The following DAGLA variants were observed in gnomAD, a reference collection of about 807,000 sequenced individuals.
The protein encoded by DAGLA is diacylglycerol lipase alpha, also known as diacylglycerol lipase-alpha.
Under a neutral mutation model 102.6 loss-of-function variants are expected in DAGLA, and 22 were observed. That is an observed-to-expected ratio of 0.21 (90% CI 0.15 to 0.31). The LOEUF (loss-of-function observed/expected upper bound fraction) is 0.31, where lower values mean the gene tolerates loss of function less well. DAGLA is among the 10% of genes least tolerant of loss of function. The pLI is 1.00. For synonymous variants in DAGLA, 578 were observed against 628.9 expected (o/e 0.92, Z 1.21); for missense variants, 927 against 1,446.6 (o/e 0.64, Z 5.83).
At chr11:61,718,825 G>A (rs1000064551) in intron 1 of DAGLA, among the ~76,000 whole-genome samples, 14 of 152,328 alleles carry the variant, frequency 9.2e-5, no homozygotes, top group African/African-American at 2.6e-4. Context: ...GGGCCGGGCG[G>A]ACATGCGGGC....
At chr11:61,712,459 T>C (rs1230899694) in intron 1 of DAGLA, among the ~76,000 whole-genome samples, 2 of 152,076 alleles carry the variant, frequency 1.3e-5, no homozygotes, top group Non-Finnish European at 2.9e-5. Context: ...GGGACAAATG[T>C]CAGTGGCCTC....
At chr11:61,731,795 C>T (rs2065377764) in intron 9 of DAGLA, among the ~76,000 whole-genome samples, 1 of 152,178 alleles carries the variant, frequency 6.6e-6, no homozygotes, top group Non-Finnish European at 1.5e-5. Flanking sequence ...ACTGCTGCCT[C>T]CCCTCCCCTT....
Position 61,744,566 on chromosome 11 carries a change from G to A in DAGLA, c.*77G>A. 7.5e-7 allele frequency: 1 copy of A among 1,335,970 alleles called. No homozygotes were observed. The highest frequency in any genetic ancestry group is 1.5e-5 in the African/African-American group (1 of 68,268). The allele number at this position is 1,335,970 out of a possible 1,614,324, so 82.8% of individuals were successfully genotyped here. A position where few individuals can be genotyped will look rare whatever the true frequency, so the allele number is the denominator to read the frequency against. On this transcript the variant is annotated 3_prime_UTR_variant, in exon 20 of 20. Coordinates refer to ENST00000257215, the MANE Select transcript of DAGLA (RefSeq NM_006133.3). Reference sequence around the variant, plus strand: ...GGCACCTGGTGCCTGCCCCCTGCCGGGCAGCTTTAAGGACAGACCCCCAGG... The same window carrying A: ...GGCACCTGGTGCCTGCCCCCTGCCGAGCAGCTTTAAGGACAGACCCCCAGG...
At chr11:61,702,142 C>G (rs556455889) in intron 1 of DAGLA, among the ~76,000 whole-genome samples, 1 of 152,234 alleles carries the variant, frequency 6.6e-6, no homozygotes, top group Non-Finnish European at 1.5e-5. Flanking sequence ...CCTCAGTGAT[C>G]CTCCAGCCTC....
chr11:61,720,005 C>T (rs1276185527), intron 1 of DAGLA, 107 bp from the exon 2 acceptor site: 87 of 716,360 alleles, frequency 1.2e-4, no homozygotes, highest in Non-Finnish European at 1.8e-4. Context: ...CCAAAAATGC[C>T]TGTGCTTCTG....
chr11:61,717,467 C>T (rs368341381), intron 1 of DAGLA, among the ~76,000 whole-genome samples: 20 of 152,136 alleles, frequency 1.3e-4, no homozygotes, highest in East Asian at 5.8e-4. Context: ...GCACTCCCTC[C>T]GCCTCGCCCG....
intron 1 of DAGLA, among the ~76,000 whole-genome samples, chr11:61,708,299 C>T (rs1228305802): frequency 3.3e-5 from 5 of 152,106 alleles, no homozygotes; most frequent in African/African-American, 4.8e-5. Context: ...TGAGCCACCG[C>T]GCCCGACTTG....
At chr11:61,727,613 G>A (rs1244102949) in intron 6 of DAGLA, among the ~76,000 whole-genome samples, 1 of 152,222 alleles carries the variant, frequency 6.6e-6, no homozygotes, top group African/African-American at 2.4e-5. Flanking sequence ...GGGCCAGAGA[G>A]TACACCCCCT....
At chr11:61,689,974 G>A (rs1350106530) in intron 1 of DAGLA, among the ~76,000 whole-genome samples, 1 of 152,162 alleles carries the variant, frequency 6.6e-6, no homozygotes, top group Admixed American at 6.5e-5. Context: ...TGGCCTCACA[G>A]AATTCCATGC....
At chr11:61,737,467 G>T in intron 14 of DAGLA, 143 bp downstream of exon 14, 1 of 1,280,952 alleles carries the variant, frequency 7.8e-7, no homozygotes, top group Non-Finnish European at 1.1e-6. Context: ...GGAGGGTGGG[G>T]GCTCTGAAAT....
intron 7 of DAGLA, among the ~76,000 whole-genome samples, chr11:61,728,684 C>T (rs1422702817): frequency 1.3e-5 from 2 of 152,146 alleles, no homozygotes; most frequent in African/African-American, 4.8e-5. Flanking sequence ...AAATACCTTT[C>T]GCCTGCTGTG....
intron 1 of DAGLA, among the ~76,000 whole-genome samples, chr11:61,694,583 C>T (rs1254553349): frequency 6.6e-6 from 1 of 152,238 alleles, no homozygotes; most frequent in South Asian, 2.1e-4. Context: ...TGCCTTTCAT[C>T]CTTTCCTGGC....
intron 9 of DAGLA, among the ~76,000 whole-genome samples, chr11:61,733,442 T>C (rs1436883869): frequency 6.6e-6 from 1 of 152,210 alleles, no homozygotes; most frequent in African/African-American, 2.4e-5. Flanking sequence ...CATTGGAAAG[T>C]GTGTAATAGT....
chr11:61,713,993 C>G (rs747931594), intron 1 of DAGLA, among the ~76,000 whole-genome samples: 36 of 152,192 alleles, frequency 2.4e-4, no homozygotes, highest in Non-Finnish European at 4.1e-4. Context: ...CTGGGCTCTC[C>G]CTTCAGGACA....
Position 61,720,332 on chromosome 11 carries a change from C to G in DAGLA, c.95+82C>G, listed in dbSNP as rs912491261. 4 of 1,406,622 alleles carry G rather than the reference C, an allele frequency of 2.8e-6. No individual in the cohort carries two copies. In the African/African-American group the frequency reaches 5.6e-5, roughly 20 times the overall value. The allele number at this position is 1,406,622 out of a possible 1,614,324, so 87.1% of individuals were successfully genotyped here. ...ACGCTTTCTGGCCATTTGTTCCTCC[C>G]TGCTTGGGCCCAAGTCCCAACCCTG... On this transcript the variant is annotated intron_variant, in intron 2 of 19. Transcript: ENST00000257215.
intron 1 of DAGLA, among the ~76,000 whole-genome samples, chr11:61,697,560 C>T (rs149308262): frequency 0.01 from 1,570 of 152,250 alleles, 17 homozygotes; most frequent in Middle Eastern, 0.034. Flanking sequence ...CTGCTGACCT[C>T]GATGTGGCCT....
chr11:61,682,358 G>C (rs1353708208), intron 1 of DAGLA, among the ~76,000 whole-genome samples: 2 of 152,172 alleles, frequency 1.3e-5, no homozygotes, highest in East Asian at 3.9e-4. Flanking sequence ...GGATGTGATT[G>C]GGAGGAAGGG....
intron 1 of DAGLA, among the ~76,000 whole-genome samples, chr11:61,682,120 G>A (rs2064947963): frequency 6.6e-6 from 1 of 152,166 alleles, no homozygotes; most frequent in Non-Finnish European, 1.5e-5. Context: ...AGCACTGTCC[G>A]ATGCCTTTGG....
intron 1 of DAGLA, among the ~76,000 whole-genome samples, chr11:61,717,030 C>G (rs1213766979): frequency 6.6e-6 from 1 of 152,162 alleles, no homozygotes; most frequent in Non-Finnish European, 1.5e-5. Context: ...CCCTGGAAGC[C>G]CCACTGGTGT....
Sources: gnomAD v4.1 joint callset for allele counts (sites outside exome capture counted in the v4.1 genomes callset) on GRCh38, gnomAD v4.1.1 for gene constraint, MANE v1.5 for transcripts, NCBI Gene and HGNC (gene_info 2026-07-23, HGNC 2026-07-21) for gene names.